The following CCDC148 variants were observed in gnomAD, a reference collection of about 807,000 sequenced individuals.
CCDC148 encodes coiled-coil domain-containing protein 148.
CCDC148 carries 89 observed loss-of-function variants against 85.7 expected under a neutral mutation model. The ratio of observed to expected loss-of-function variants is 1.04; its 90% confidence interval spans 0.87 to 1.24. The LOEUF is 1.24. Ranked by LOEUF, CCDC148 falls within the 50% of genes most tolerant of loss-of-function variation. The pLI, the probability that CCDC148 is intolerant of heterozygous loss-of-function variation, is 0.00. For synonymous variants in CCDC148, 230 were observed against 213.9 expected (o/e 1.08, Z -0.66); for missense variants, 692 against 671.7 (o/e 1.03, Z -0.33).
At chr2:158,222,022 C>T (rs1307356617) in intron 10 of CCDC148, among the ~76,000 whole-genome samples, 5 of 152,122 alleles carry the variant, frequency 3.3e-5, no homozygotes, top group Non-Finnish European at 7.4e-5. Flanking sequence ...ATGTCATCTC[C>T]ATCTGGGAAT....
intron 7 of CCDC148, among the ~76,000 whole-genome samples, chr2:158,319,159 A>C (rs2105219192): frequency 6.6e-6 from 1 of 152,328 alleles, no homozygotes; most frequent in South Asian, 2.1e-4. Flanking sequence ...TGTAAGGAAA[A>C]GAAAACTGTA....
chr2:158,253,148 A>G (rs1455768573), intron 9 of CCDC148, among the ~76,000 whole-genome samples: 1 of 151,722 alleles, frequency 6.6e-6, no homozygotes, highest in African/African-American at 2.4e-5. Context: ...TAATTTCCAA[A>G]CCATTGAGCT....
intron 9 of CCDC148, among the ~76,000 whole-genome samples, chr2:158,259,925 C>G: frequency 6.6e-6 from 1 of 151,926 alleles, no homozygotes. Context: ...AATGATTTCA[C>G]CTAACATTTG....
chr2:158,326,301 CT>C (rs1184772528), intron 7 of CCDC148, among the ~76,000 whole-genome samples: 3 of 152,154 alleles, frequency 2.0e-5, no homozygotes, highest in African/African-American at 7.2e-5. Context: ...AGGCCTACCC[CT>C]AAACATCTAC....
At chr2:158,452,024 A>T (rs1688425300) in intron 1 of CCDC148, among the ~76,000 whole-genome samples, 1 of 152,242 alleles carries the variant, frequency 6.6e-6, no homozygotes, top group South Asian at 2.1e-4. Context: ...TGAGGAGAAT[A>T]GTGTAAAGAA....
chr2:158,360,894 T>G (rs893580371), intron 1 of CCDC148, among the ~76,000 whole-genome samples: 28 of 151,888 alleles, frequency 1.8e-4, no homozygotes, highest in African/African-American at 5.8e-4. Flanking sequence ...AAAGGAGCAT[T>G]TCTAACCTAA....
chr2:158,430,434 G>T (rs1687296079), intron 1 of CCDC148, among the ~76,000 whole-genome samples: 1 of 152,166 alleles, frequency 6.6e-6, no homozygotes, highest in African/African-American at 2.4e-5. Context: ...CACTCAAAAA[G>T]CACTCAAAGC....
rs1240124100 is a variant in CCDC148, at chr2:158,250,832, C to A, written c.1191G>T (p.Glu397Asp). Residue 397 changes from glutamate (E) to aspartate (D), a missense_variant, in exon 10 of 14, where the codon GAG (glutamate) becomes GAT (aspartate). Coordinates refer to ENST00000283233, the MANE Select transcript of CCDC148 (RefSeq NM_138803.4). ...TCTTCTTCCACAGTTTCTCTTTCTC[C>A]TCTTCCTTTTCTCTTCTTCTGGCAG... ...EISARRREKEEEKEKLWKKKE... is the reference protein window; with the variant it reads ...EISARRREKEDEKEKLWKKKE... 1 of 1,604,910 alleles carries A rather than the reference C, an allele frequency of 6.2e-7. No individual in the cohort carries two copies. Among genetic ancestry groups the A allele is most frequent in the African/African-American group, 1.3e-5 (1 of 74,486 alleles).
At chr2:158,318,406 C>T (rs1327265704) in intron 7 of CCDC148, among the ~76,000 whole-genome samples, 1 of 152,066 alleles carries the variant, frequency 6.6e-6, no homozygotes, top group Non-Finnish European at 1.5e-5. Flanking sequence ...AAAAAAGTGA[C>T]CTATAGGATA....
At chr2:158,317,027 G>A (rs1250788189) in intron 7 of CCDC148, among the ~76,000 whole-genome samples, 3 of 152,092 alleles carry the variant, frequency 2.0e-5, no homozygotes, top group Non-Finnish European at 2.9e-5. Context: ...ACCTTTCAAA[G>A]TTCTTGTTGA....
chr2:158,415,368 G>A (rs937398012), intron 1 of CCDC148, among the ~76,000 whole-genome samples: 5 of 152,020 alleles, frequency 3.3e-5, no homozygotes, highest in African/African-American at 1.2e-4. Flanking sequence ...GCACCCCCTT[G>A]ATCCAATCAC....
At chr2:158,360,596 G>A (rs1264508833) in intron 1 of CCDC148, among the ~76,000 whole-genome samples, 1 of 152,074 alleles carries the variant, frequency 6.6e-6, no homozygotes, top group African/African-American at 2.4e-5. Flanking sequence ...ACTGTTAGAA[G>A]GAAAACTAAC....
chr2:158,257,217 T>G (rs1047515388), intron 9 of CCDC148, among the ~76,000 whole-genome samples: 1 of 151,710 alleles, frequency 6.6e-6, no homozygotes, highest in South Asian at 2.1e-4. Context: ...ATGGGGAAAA[T>G]AATCAGAAAA....
intron 7 of CCDC148, among the ~76,000 whole-genome samples, chr2:158,331,618 C>T (rs1480885706): frequency 1.3e-5 from 2 of 152,032 alleles, no homozygotes; most frequent in Non-Finnish European, 2.9e-5. Context: ...TTAAAGTCTC[C>T]CATTATTATT....
At chr2:158,202,166 T>C (rs927166908) in intron 11 of CCDC148, among the ~76,000 whole-genome samples, 3 of 152,236 alleles carry the variant, frequency 2.0e-5, no homozygotes, top group African/African-American at 4.8e-5. Context: ...AGAAAAATAT[T>C]GTCATTGTTC....
intron 13 of CCDC148, 40 bp from the exon 14 acceptor site, chr2:158,172,299 A>G (rs1370058809): frequency 7.0e-7 from 1 of 1,431,504 alleles, no homozygotes. Flanking sequence ...CAATTCATTG[A>G]ACTAAAATAA....
chr2:158,432,401 G>C (rs1311811358), intron 1 of CCDC148, among the ~76,000 whole-genome samples: 3 of 151,944 alleles, frequency 2.0e-5, no homozygotes, highest in African/African-American at 7.3e-5. Flanking sequence ...ACAAACAAAA[G>C]TATGGGTAAA....
intron 9 of CCDC148, among the ~76,000 whole-genome samples, chr2:158,308,579 CAGG>C (rs1691808383): frequency 6.6e-6 from 1 of 152,198 alleles, no homozygotes; most frequent in Non-Finnish European, 1.5e-5. Flanking sequence ...TGTTTTCTAT[CAGG>C]AGAATAAAAT....
At chr2:158,425,223 G>A in intron 1 of CCDC148, 4 of 536,900 alleles carry the variant, frequency 7.5e-6, no homozygotes, top group South Asian at 5.5e-5. Context: ...ACAGGTGTAT[G>A]CAGACTATAG....
Sources: allele counts gnomAD v4.1 joint callset (sites outside exome capture counted in the v4.1 genomes callset), GRCh38; gene constraint gnomAD v4.1.1; transcripts MANE v1.5; gene names NCBI Gene and HGNC (gene_info 2026-07-23, HGNC 2026-07-21).